Variants in PROS1 observed in about 807,000 individuals in gnomAD.
PROS1 encodes vitamin K-dependent protein S.
Under a neutral mutation model 75.9 loss-of-function variants are expected in PROS1, and 29 were observed. That is an observed-to-expected ratio of 0.38 (90% confidence interval 0.28 to 0.52). PROS1 has a LOEUF of 0.52. Among genes scored for constraint, PROS1 ranks in the 20% least tolerant of loss-of-function variants. The pLI, the probability that PROS1 is intolerant of heterozygous loss-of-function variation, is 0.83. For missense variants in PROS1, 680 were observed against 810.3 expected, an observed-to-expected ratio of 0.84 and a Z score of 1.95; for synonymous variants, 245 against 280.6, an observed-to-expected ratio of 0.87 and a Z score of 1.27.
chr3:93,926,484 T>A (rs1316922325), intron 2 of PROS1, among the ~76,000 whole-genome samples: 2 of 151,990 alleles, frequency 1.3e-5, no homozygotes, highest in African/African-American at 4.8e-5. Flanking sequence ...ATACAAAAAT[T>A]AGCCAGGCAT....
intron 3 of PROS1, among the ~76,000 whole-genome samples, chr3:93,922,119 T>A (rs1708950855): frequency 6.6e-6 from 1 of 152,208 alleles, no homozygotes; most frequent in Non-Finnish European, 1.5e-5. Flanking sequence ...TGTCATTTTA[T>A]TTTGTTATTA....
intron 1 of PROS1, among the ~76,000 whole-genome samples, chr3:93,927,850 C>CATATATATATATATAT (rs62909461): frequency 9.3e-5 from 11 of 117,804 alleles, no homozygotes; most frequent in East Asian, 5.2e-4. Context: ...AAAAAACAAA[C>CATATATATATATATAT]ATATATATAT....
At chr3:93,897,986 C>T (rs1048761067) in intron 8 of PROS1, among the ~76,000 whole-genome samples, 1 of 152,054 alleles carries the variant, frequency 6.6e-6, no homozygotes, top group African/African-American at 2.4e-5. Flanking sequence ...ATTAAAACTG[C>T]ACTTGTACCC....
intron 7 of PROS1, among the ~76,000 whole-genome samples, chr3:93,899,161 TA>T (rs1267833535): frequency 6.6e-6 from 1 of 151,096 alleles, no homozygotes; most frequent in Non-Finnish European, 1.5e-5. Context: ...TTTTTTTTTT[TA>T]AAAAACCTCA....
intron 1 of PROS1, among the ~76,000 whole-genome samples, chr3:93,956,471 T>C (rs149859882): frequency 2.0e-5 from 3 of 151,876 alleles, no homozygotes; most frequent in African/African-American, 7.2e-5. Flanking sequence ...CATTCCAGCC[T>C]GGGCAACAGA....
chr3:93,970,531 C>T (rs1361199729), intron 1 of PROS1, among the ~76,000 whole-genome samples: 4 of 151,612 alleles, frequency 2.6e-5, no homozygotes, highest in Non-Finnish European at 4.4e-5. Context: ...TTTGTAAAGA[C>T]GGGGTCCCAC....
intron 1 of PROS1, among the ~76,000 whole-genome samples, chr3:93,928,392 G>T (rs1678274715): frequency 1.3e-5 from 2 of 151,098 alleles, no homozygotes; most frequent in African/African-American, 4.9e-5. Context: ...GTCTTAGCCA[G>T]GCCTGGTGGA....
At chr3:93,874,453 T>C in intron 14 of PROS1, 48 bp from the exon 15 acceptor site, 1 of 1,605,584 alleles carries the variant, frequency 6.2e-7, no homozygotes, top group Non-Finnish European at 8.5e-7. Context: ...TTTAGCATCT[T>C]GTTTGTTTAC....
intron 1 of PROS1, among the ~76,000 whole-genome samples, chr3:93,951,377 T>A (rs1426606412): frequency 2.6e-5 from 4 of 152,180 alleles, no homozygotes; most frequent in African/African-American, 7.2e-5. Context: ...GGGAATCCCA[T>A]CAGACTAATA....
chr3:93,907,904 G>A (rs1283274269), intron 4 of PROS1, among the ~76,000 whole-genome samples: 2 of 152,202 alleles, frequency 1.3e-5, no homozygotes, highest in Non-Finnish European at 2.9e-5. Context: ...GCTCACACCT[G>A]TAATCCCAGC....
intron 13 of PROS1, among the ~76,000 whole-genome samples, chr3:93,878,547 T>C (rs1406410967): frequency 1.3e-5 from 2 of 152,206 alleles, no homozygotes; most frequent in African/African-American, 4.8e-5. Context: ...ACGACTATGC[T>C]CTAATAGAAG....
At chr3:93,881,633 C>T (rs1436788726) in intron 12 of PROS1, among the ~76,000 whole-genome samples, 3 of 144,722 alleles carry the variant, frequency 2.1e-5, no homozygotes, top group Non-Finnish European at 4.5e-5. Context: ...GATCCTGGCT[C>T]TCTGCTGTGT....
intron 1 of PROS1, among the ~76,000 whole-genome samples, chr3:93,940,306 C>T (rs572847385): frequency 6.6e-6 from 1 of 152,024 alleles, no homozygotes; most frequent in Non-Finnish European, 1.5e-5. Context: ...TCGGAAGTCT[C>T]CTGGAAGCCT....
intron 1 of PROS1, among the ~76,000 whole-genome samples, chr3:93,952,657 C>A (rs375837266): frequency 6.6e-6 from 1 of 152,098 alleles, no homozygotes; most frequent in South Asian, 2.1e-4. Flanking sequence ...CCTAACAGCA[C>A]AACTAAAAGA....
In PROS1 at chr3:93,873,949, A is replaced by T. The variant is rs925760566; in HGVS notation, c.*296T>A. 4.2e-5 allele frequency: 14 copies of T among 332,414 alleles called. No homozygotes were observed. Among genetic ancestry groups the T allele is most frequent in the Non-Finnish European group, 6.7e-5 (12 of 177,832 alleles). The allele number at this position is 332,414 out of a possible 1,614,324, so 20.6% of individuals were successfully genotyped here. The stretch of plus-strand genomic sequence containing the variant: ...ATTTAGACACTAGTTCATGATGATA[A>T]AATTAAAATTTAGTTTTACAAACAA... On this transcript the variant is annotated 3_prime_UTR_variant, in exon 15 of 15. Coordinates refer to ENST00000394236, the MANE Select transcript of PROS1 (RefSeq NM_000313.4).
chr3:93,973,417 T>G, intron 1 of PROS1: 1 of 462,424 alleles, frequency 2.2e-6, no homozygotes, highest in Non-Finnish European at 3.9e-6. Context: ...CATCCCTCCA[T>G]TGATACTTAG....
intron 13 of PROS1, among the ~76,000 whole-genome samples, chr3:93,878,772 T>C (rs1006161964): frequency 2.0e-5 from 3 of 152,238 alleles, no homozygotes; most frequent in Non-Finnish European, 4.4e-5. Context: ...TATCTGACAG[T>C]GCACTGTAAT....
chr3:93,941,041 C>T (rs892358715), intron 1 of PROS1, among the ~76,000 whole-genome samples: 3 of 152,148 alleles, frequency 2.0e-5, no homozygotes, highest in Non-Finnish European at 4.4e-5. Context: ...CCACTGCACC[C>T]CTCATCCCAG....
intron 1 of PROS1, among the ~76,000 whole-genome samples, chr3:93,965,131 C>T (rs889765457): frequency 6.6e-6 from 1 of 152,328 alleles, no homozygotes; most frequent in East Asian, 1.9e-4. Flanking sequence ...CCCAGGCATT[C>T]GAGCCGGCAA....
Sources: allele counts gnomAD v4.1 joint callset (sites outside exome capture counted in the v4.1 genomes callset), GRCh38; gene constraint gnomAD v4.1.1; transcripts MANE v1.5; gene names NCBI Gene and HGNC (gene_info 2026-07-23, HGNC 2026-07-21).